PTPRD: variants seen among roughly 807,000 people sequenced by gnomAD.
PTPRD encodes protein tyrosine phosphatase receptor type D.
Under a neutral mutation model 214.5 loss-of-function variants are expected in PTPRD, and 34 were observed. The observed-to-expected ratio is 0.16, with a 90% CI of 0.12 to 0.21. PTPRD has a LOEUF of 0.21. Among genes scored for constraint, PTPRD ranks in the 10% least tolerant of loss-of-function variants. PTPRD has a pLI of 1.00. For missense variants in PTPRD, 2,545 were observed against 2,398.7 expected, an observed-to-expected ratio of 1.06 and a Z score of -1.27; for synonymous variants, 1,128 against 845.7, an observed-to-expected ratio of 1.33 and a Z score of -5.79.
intron 6 of PTPRD, among the ~76,000 whole-genome samples, chr9:9,741,468 ATTATAC>A (rs56949081): frequency 0.5 from 75,509 of 151,784 alleles, 22,461 homozygotes; most frequent in African/African-American, 0.83. Flanking sequence ...TTAAATTATG[ATTATAC>A]TTATAAGTTC....
intron 5 of PTPRD, among the ~76,000 whole-genome samples, chr9:9,847,562 A>G (rs1000921635): frequency 8.5e-5 from 13 of 152,076 alleles, no homozygotes; most frequent in African/African-American, 2.4e-4. Context: ...AATGCCCCCT[A>G]GGTTTGTCAT....
intron 5 of PTPRD, among the ~76,000 whole-genome samples, chr9:9,901,856 A>T (rs951186760): frequency 5.9e-5 from 9 of 152,192 alleles, no homozygotes; most frequent in African/African-American, 2.2e-4. Context: ...AGAGAGCAAG[A>T]GCAGGGGGAA....
intron 3 of PTPRD, among the ~76,000 whole-genome samples, chr9:10,300,005 T>A (rs1305128796): frequency 6.6e-6 from 1 of 152,150 alleles, no homozygotes; most frequent in East Asian, 1.9e-4. Context: ...AATCTTATAT[T>A]CATTGCACTA....
chr9:9,810,950 G>A (rs2046945464), intron 5 of PTPRD, among the ~76,000 whole-genome samples: 1 of 151,752 alleles, frequency 6.6e-6, no homozygotes. Flanking sequence ...ATTAAAAGCA[G>A]TTCGCGGCCA....
chr9:9,770,487 G>A (rs1310131249), intron 5 of PTPRD, among the ~76,000 whole-genome samples: 1 of 152,108 alleles, frequency 6.6e-6, no homozygotes, highest in East Asian at 1.9e-4. Context: ...GATGCAATAT[G>A]TTCAGTGCCT....
intron 12 of PTPRD, among the ~76,000 whole-genome samples, chr9:8,663,424 A>C (rs2097105544): frequency 6.7e-6 from 1 of 149,476 alleles, no homozygotes; most frequent in Admixed American, 6.6e-5. Flanking sequence ...GTTAGGTGGG[A>C]AATTTTGTTC....
chr9:8,950,697 T>C lies in PTPRD; in HGVS notation c.-104+68000A>G, dbSNP rs138129733. On this transcript the variant is annotated intron_variant, in intron 11 of 45. Transcript: ENST00000381196. Reference sequence around the variant, plus strand: ...CCTATACACTATTAACACTTAGAATTATGTTTTTCTTTTTTTTTTTTTAAA... The same window carrying C: ...CCTATACACTATTAACACTTAGAATCATGTTTTTCTTTTTTTTTTTTTAAA... 2.9e-3 allele frequency among the ~76,000 whole-genome samples: 432 copies of C among 150,520 alleles called. 20 individuals are homozygous for C. In the East Asian group the frequency reaches 0.059, roughly 21 times the overall value.
At chr9:10,106,279 T>C (rs1416247045) in intron 3 of PTPRD, among the ~76,000 whole-genome samples, 1 of 151,922 alleles carries the variant, frequency 6.6e-6, no homozygotes, top group South Asian at 2.1e-4. Flanking sequence ...CATTTTGATG[T>C]CAAAGATAAT....
intron 11 of PTPRD, among the ~76,000 whole-genome samples, chr9:8,835,041 G>C (rs2097384245): frequency 6.6e-6 from 1 of 152,198 alleles, no homozygotes; most frequent in Non-Finnish European, 1.5e-5. Context: ...ATCTGGGTCA[G>C]GCAAGGACCC....
intron 7 of PTPRD, among the ~76,000 whole-genome samples, chr9:9,733,899 G>T (rs564345050): frequency 6.6e-6 from 1 of 152,282 alleles, no homozygotes; most frequent in South Asian, 2.1e-4. Context: ...AAAAGACTGG[G>T]TGGATTCAAA....
chr9:9,420,699 T>C (rs958296540), intron 8 of PTPRD, among the ~76,000 whole-genome samples: 63 of 151,876 alleles, frequency 4.1e-4, no homozygotes, highest in African/African-American at 1.4e-3. Flanking sequence ...CACCTCTGCA[T>C]GTATATGACG....
chr9:9,333,076 AG>A (rs1429391509), intron 9 of PTPRD, among the ~76,000 whole-genome samples: 1 of 151,986 alleles, frequency 6.6e-6, no homozygotes, highest in Non-Finnish European at 1.5e-5. Context: ...GCTGTTCGGG[AG>A]GGACATAAAG....
At chr9:8,707,592 G>A (rs2098236758) in intron 12 of PTPRD, among the ~76,000 whole-genome samples, 1 of 152,194 alleles carries the variant, frequency 6.6e-6, no homozygotes, top group Non-Finnish European at 1.5e-5. Flanking sequence ...AGGCAGTTAG[G>A]GAGGTGAGTA....
rs74709621 is a variant in PTPRD, at chr9:8,700,476, G to C, written c.64+33304C>G. The stretch of plus-strand genomic sequence containing the variant: ...AATTACGTGGTTCCACAGCACACTG[G>C]AGGTCAGCTGTTAATAGCAAAGATG... On this transcript the variant is annotated intron_variant, in intron 12 of 45. Transcript: ENST00000381196. 141 of 152,318 alleles carry C rather than the reference G, an allele frequency of 9.3e-4. 1 individual carries two copies. Among genetic ancestry groups the C allele is most frequent in the African/African-American group, 3.4e-3 (140 of 41,584 alleles). 9.4% of individuals were successfully genotyped at this position (152,318 alleles called of 1,614,324 possible).
chr9:8,954,335 G>T (rs749317676), intron 11 of PTPRD, among the ~76,000 whole-genome samples: 6 of 151,790 alleles, frequency 4.0e-5, no homozygotes, highest in Non-Finnish European at 7.4e-5. Flanking sequence ...AGACGCTGGG[G>T]ACTACTACAT....
Position 10,501,800 on chromosome 9 carries a change from T to A in PTPRD, c.-600+110598A>T, listed in dbSNP as rs1412787111. 2.0e-5 allele frequency among the ~76,000 whole-genome samples: 3 copies of A among 151,998 alleles called. No individual in the cohort carries two copies. The South Asian group carries it at 6.2e-4, about 31-fold the overall frequency. ...AAGTTACAAAATAAATACACTCTAATTGCTTTGTTGACAAATTCAACACAG... is the reference window on the plus strand; with the variant it reads ...AAGTTACAAAATAAATACACTCTAAATGCTTTGTTGACAAATTCAACACAG... On this transcript the variant is annotated intron_variant, in intron 2 of 45. Transcript: ENST00000381196.
intron 2 of PTPRD, among the ~76,000 whole-genome samples, chr9:10,396,310 G>A (rs2098169265): frequency 6.6e-6 from 1 of 151,952 alleles, no homozygotes; most frequent in Admixed American, 6.6e-5. Context: ...TAAGGTGGAG[G>A]AATGAGCTAT....
At chr9:9,297,214 T>C (rs972247631) in intron 9 of PTPRD, among the ~76,000 whole-genome samples, 3 of 151,672 alleles carry the variant, frequency 2.0e-5, no homozygotes, top group Non-Finnish European at 4.4e-5. Context: ...TCACTGTTAA[T>C]TGGAAGCCTA....
intron 3 of PTPRD, among the ~76,000 whole-genome samples, chr9:10,177,451 A>T (rs2099255777): frequency 2.4e-5 from 2 of 82,310 alleles, no homozygotes; most frequent in Non-Finnish European, 2.4e-5. Context: ...AAATGTTGTA[A>T]AAAAAAAAAA....
Sources: allele counts gnomAD v4.1 joint callset (sites outside exome capture counted in the v4.1 genomes callset), GRCh38; gene constraint gnomAD v4.1.1; transcripts MANE v1.5; gene names NCBI Gene and HGNC (gene_info 2026-07-23, HGNC 2026-07-21).